The following PLCB4 variants were observed in gnomAD, a reference collection of about 807,000 sequenced individuals.
The protein encoded by PLCB4 is 1-phosphatidylinositol 4,5-bisphosphate phosphodiesterase beta-4.
A neutral mutation model predicts 178.8 loss-of-function variants in PLCB4; 77 were observed. The ratio of observed to expected loss-of-function variants is 0.43; its 90% CI spans 0.36 to 0.52. PLCB4 has a LOEUF of 0.52. PLCB4 is among the 20% of genes least tolerant of loss of function. The pLI is 0.00. For missense variants in PLCB4, 1,024 were observed against 1,453.4 expected, an observed-to-expected ratio of 0.70 and a Z score of 4.80; for synonymous variants, 496 against 490.8, an observed-to-expected ratio of 1.01 and a Z score of -0.14.
At chr20:9,422,020 G>A (rs945447765) in intron 27 of PLCB4, among the ~76,000 whole-genome samples, 5 of 152,026 alleles carry the variant, frequency 3.3e-5, no homozygotes, top group Non-Finnish European at 7.4e-5. Context: ...TCTAACGTTC[G>A]GTTGTTAATC....
chr20:9,260,845 T>A (rs1016041575), intron 3 of PLCB4, among the ~76,000 whole-genome samples: 2 of 152,180 alleles, frequency 1.3e-5, no homozygotes, highest in African/African-American at 4.8e-5. Context: ...AAATACATGT[T>A]GAAATATGTT....
At chr20:9,346,458 T>C (rs1162877631) in intron 7 of PLCB4, among the ~76,000 whole-genome samples, 2 of 152,222 alleles carry the variant, frequency 1.3e-5, no homozygotes, top group Non-Finnish European at 2.9e-5. Context: ...GAACTGCCTA[T>C]TGATCACCCA....
At chr20:9,188,564 C>T (rs999294976) in intron 2 of PLCB4, among the ~76,000 whole-genome samples, 1 of 137,756 alleles carries the variant, frequency 7.3e-6, no homozygotes, top group African/African-American at 3.0e-5. Flanking sequence ...TTGTGGAGGG[C>T]TGTCATACAG....
At chr20:9,288,609 T>G (rs2147747484) in intron 3 of PLCB4, among the ~76,000 whole-genome samples, 1 of 151,700 alleles carries the variant, frequency 6.6e-6, no homozygotes, top group Non-Finnish European at 1.5e-5. Context: ...TTTGGAAGGG[T>G]GAGGAGAAGA....
At chr20:9,312,298 C>T (rs2094843562) in intron 4 of PLCB4, among the ~76,000 whole-genome samples, 1 of 150,602 alleles carries the variant, frequency 6.6e-6, no homozygotes, top group African/African-American at 2.4e-5. Context: ...AGTCCCTTTT[C>T]CTAGCAAAGT....
At chr20:9,311,441 G>C (rs542745144) in intron 4 of PLCB4, among the ~76,000 whole-genome samples, 2 of 152,072 alleles carry the variant, frequency 1.3e-5, no homozygotes, top group Non-Finnish European at 2.9e-5. Context: ...ATTAAAAATC[G>C]GAGATCATGC....
chr20:9,389,344 G>A (rs1481639110), intron 15 of PLCB4, among the ~76,000 whole-genome samples: 1 of 152,002 alleles, frequency 6.6e-6, no homozygotes, highest in African/African-American at 2.4e-5. Context: ...GGAAACAAGG[G>A]ATACTGCAAA....
intron 32 of PLCB4, among the ~76,000 whole-genome samples, chr20:9,450,386 G>A (rs1328139402): frequency 6.6e-6 from 1 of 152,106 alleles, no homozygotes; most frequent in Non-Finnish European, 1.5e-5. Flanking sequence ...TTTCTGAAAG[G>A]ACAAGTGGTG....
intron 6 of PLCB4, 48 bp downstream of exon 6, chr20:9,338,115 T>C: frequency 8.0e-7 from 1 of 1,247,222 alleles, no homozygotes; most frequent in Non-Finnish European, 1.2e-6. Context: ...TTACTTATAT[T>C]GGAAATGGCC....
At chr20:9,300,242 A>T (rs567143692) in intron 3 of PLCB4, among the ~76,000 whole-genome samples, 1 of 152,304 alleles carries the variant, frequency 6.6e-6, no homozygotes, top group East Asian at 1.9e-4. Context: ...TCTGGAAAAC[A>T]ACTTTGGTTG....
chr20:9,272,445 G>C (rs537312056), intron 3 of PLCB4, among the ~76,000 whole-genome samples: 32 of 152,006 alleles, frequency 2.1e-4, no homozygotes, highest in Non-Finnish European at 3.8e-4. Flanking sequence ...CACTTTACAT[G>C]CTGTCATAGT....
intron 3 of PLCB4, among the ~76,000 whole-genome samples, chr20:9,292,307 C>T (rs1481971286): frequency 1.3e-5 from 2 of 152,110 alleles, no homozygotes; most frequent in Non-Finnish European, 2.9e-5. Context: ...TTCATGTTGG[C>T]GATGTTTTGC....
At chr20:9,194,784 C>T (rs1030012501) in intron 2 of PLCB4, among the ~76,000 whole-genome samples, 3 of 150,488 alleles carry the variant, frequency 2.0e-5, no homozygotes, top group African/African-American at 4.9e-5. Context: ...TCTCATAAAT[C>T]ATTCTAATAA....
At chr20:9,458,917 A>C (rs2043219649) in intron 34 of PLCB4, among the ~76,000 whole-genome samples, 1 of 152,208 alleles carries the variant, frequency 6.6e-6, no homozygotes, top group Non-Finnish European at 1.5e-5. Context: ...TGACACAGTA[A>C]GTCATGATCC....
intron 7 of PLCB4, among the ~76,000 whole-genome samples, chr20:9,342,893 GA>G (rs1291832179): frequency 6.6e-6 from 1 of 152,106 alleles, no homozygotes; most frequent in African/African-American, 2.4e-5. Flanking sequence ...TTCAGCTAGA[GA>G]AACAACAATG....
At chr20:9,229,283 G>A (rs566929439) in intron 3 of PLCB4, among the ~76,000 whole-genome samples, 6 of 152,098 alleles carry the variant, frequency 3.9e-5, no homozygotes, top group Non-Finnish European at 8.8e-5. Context: ...CTCATTAAAC[G>A]GGTACAGAAT....
At chr20:9,262,547 CAG>C (rs1360289460) in intron 3 of PLCB4, among the ~76,000 whole-genome samples, 1 of 152,132 alleles carries the variant, frequency 6.6e-6, no homozygotes, top group African/African-American at 2.4e-5. Flanking sequence ...TTGAGGTAAA[CAG>C]AGTTTTAATA....
Position 9,424,682 on chromosome 20 carries a change from C to T in PLCB4, c.2524+730C>T, listed in dbSNP as rs554041712. On this transcript the variant is annotated intron_variant, in intron 28 of 39. Coordinates refer to ENST00000378473, the MANE Select transcript of PLCB4 (RefSeq NM_001377142.1). ...ATGTAACCTCTCAAACCCCTCATTT[C>T]CTCCCCTGCAAAGTGAAGATAATAA... is the stretch of plus-strand genomic sequence containing the variant. Among the ~76,000 whole-genome samples, 9 of 152,278 alleles carry T rather than the reference C, an allele frequency of 5.9e-5. No homozygotes were observed. The South Asian group carries it at 1.9e-3, about 32-fold the overall frequency.
At position 9,148,586 on chromosome 20, in the gene PLCB4, G is replaced by A. The variant is rs928898428; in HGVS notation, c.-79+52244G>A. ...GGAAGTCAACAGAGGACTTCTGAGC[G>A]GAGAGTAAGAATTTGTGTTCTAGCT... On this transcript the variant is annotated intron_variant, in intron 2 of 39. Coordinates refer to ENST00000378473, the MANE Select transcript of PLCB4 (RefSeq NM_001377142.1). Among the ~76,000 whole-genome samples, 23 of 152,122 alleles carry A rather than the reference G, an allele frequency of 1.5e-4. No homozygotes were observed. In the South Asian group the frequency reaches 2.1e-3, roughly 14 times the overall value.
Sources: allele counts gnomAD v4.1 joint callset (sites outside exome capture counted in the v4.1 genomes callset), GRCh38; gene constraint gnomAD v4.1.1; transcripts MANE v1.5; gene names NCBI Gene and HGNC (gene_info 2026-07-23, HGNC 2026-07-21).